CATSPERG: variants seen among roughly 807,000 people sequenced by gnomAD.
CATSPERG encodes catsper channel auxiliary subunit gamma.
In CATSPERG, 115 loss-of-function variants were observed where a neutral mutation model predicts 145.0. The observed-to-expected ratio is 0.79, with a 90% confidence interval of 0.68 to 0.93. The LOEUF (loss-of-function observed/expected upper bound fraction) is 0.93, where lower values mean the gene tolerates loss of function less well. Ranked by LOEUF, CATSPERG falls within the 40% of genes least tolerant of loss-of-function variation. The pLI is 0.00. For missense variants in CATSPERG, 1,296 were observed against 1,490.1 expected (o/e 0.87, Z 2.14); for synonymous variants, 588 against 589.0 (o/e 1.00, Z 0.02).
chr19:38,341,967 T>C (rs1188915882), intron 3 of CATSPERG, among the ~76,000 whole-genome samples: 1 of 151,512 alleles, frequency 6.6e-6, no homozygotes, highest in African/African-American at 2.4e-5. Flanking sequence ...TCCCAGCTAT[T>C]TGGGAGGCTG....
chr19:38,336,612 G>GGGGACCAGGGTC, intron 1 of CATSPERG: 2 of 241,112 alleles, frequency 8.3e-6, no homozygotes, highest in Admixed American at 5.2e-5. Flanking sequence ...CGAGCGAGGA[G>GGGGACCAGGGTC]AAAGCGGCGA....
chr19:38,367,440 G>A lies in CATSPERG; in HGVS notation c.2771-69G>A, dbSNP rs371919184. 109 of 1,571,410 alleles carry A rather than the reference G, an allele frequency of 6.9e-5. 2 individuals carry two copies. The highest frequency in any genetic ancestry group is 6.5e-4 in the South Asian group (57 of 87,462). ...TTCCTGCGGCATCTCACTTTCCCCC[G>A]TCTCGGTCCTCAGCTTCTCGGGCCA... On this transcript the variant is annotated intron_variant, in intron 23 of 28. Coordinates refer to ENST00000409235, the MANE Select transcript of CATSPERG (RefSeq NM_021185.5).
rs1173452820 is a variant in CATSPERG at position 38,363,489 on chromosome 19, C to CTT, written c.2475+676_2475+677dup. On this transcript the variant is annotated intron_variant, in intron 20 of 28. Transcript: ENST00000409235. ...TGTGCTTGGCCCCGTTAGCCTATTCCTTTTTTTTTTTTTTTTTTTTATTGA... is the reference window on the plus strand; with the variant it reads ...TGTGCTTGGCCCCGTTAGCCTATTCCTTTTTTTTTTTTTTTTTTTTTTATTGA... Among the ~76,000 whole-genome samples the CTT allele has an allele frequency of 1.2e-3, 149 of 128,234 alleles. 1 individual carries two copies. The highest frequency in any genetic ancestry group is 3.0e-3 in the African/African-American group (101 of 33,692). The allele number at this position is 128,234 out of a possible 152,430, so 84.1% of individuals were successfully genotyped here. A position where few individuals can be genotyped will look rare whatever the true frequency, so the allele number is the denominator to read the frequency against.
chr19:38,349,658 TTG>T (rs1283356259), intron 7 of CATSPERG: 1 of 153,596 alleles, frequency 6.5e-6, no homozygotes, highest in East Asian at 1.9e-4. Context: ...TTTTGTTTGT[TTG>T]TTTGTTTGTT....
chr19:38,353,990 CAAAAAAAAAAAAAA>C (rs965226814), intron 8 of CATSPERG, among the ~76,000 whole-genome samples: 3 of 30,590 alleles, frequency 9.8e-5, no homozygotes, highest in South Asian at 1.2e-3. Context: ...GACTCTGTCT[CAAAAAAAAAAAAAA>C]AAAAAAAAAA....
At chr19:38,364,245 C>G (rs1052793631) in intron 20 of CATSPERG, among the ~76,000 whole-genome samples, 1 of 151,788 alleles carries the variant, frequency 6.6e-6, no homozygotes, top group Non-Finnish European at 1.5e-5. Context: ...ATTTCTCAGA[C>G]GGGGCGGTTG....
chr19:38,361,873 G>T lies in CATSPERG; in HGVS notation c.2094+12G>T, dbSNP rs1370173249. On this transcript the variant is annotated intron_variant, in intron 17 of 28. Coordinates refer to ENST00000409235, the MANE Select transcript of CATSPERG (RefSeq NM_021185.5). ...CCGTGTACGACAAGGTGGGCGTCCG[G>T]CGGCGGGCGGGCAGGCCTGAGACGG... The T allele has an allele frequency of 6.3e-7, 1 of 1,594,702 alleles. No individual in the cohort carries two copies. The highest frequency in any genetic ancestry group is 8.5e-7 in the Non-Finnish European group (1 of 1,171,142).
chr19:38,341,307 G>A (rs1969934712), intron 3 of CATSPERG, among the ~76,000 whole-genome samples: 1 of 152,168 alleles, frequency 6.6e-6, no homozygotes, highest in Admixed American at 6.5e-5. Context: ...GTGAGACAAG[G>A]AGGAGGCTGC....
chr19:38,369,926 G>C, intron 26 of CATSPERG, 46 bp from the exon 27 acceptor site: 1 of 1,587,010 alleles, frequency 6.3e-7, no homozygotes, highest in East Asian at 2.2e-5. Context: ...AGTTGGCACA[G>C]ACTAGGCATG....
intron 26 of CATSPERG, chr19:38,369,584 A>G: frequency 6.7e-6 from 2 of 298,784 alleles, no homozygotes; most frequent in South Asian, 6.5e-5. Flanking sequence ...TTGGATAATG[A>G]ATAAAGAAGG....
chr19:38,360,717 C>T lies in CATSPERG; in HGVS notation c.1768-14C>T. ...GCTGACCCCAGCTCACCTGGCCCTG[C>T]CTTCCCCCTGCAGCTGGTGTACCTT... On this transcript the variant is annotated splice_polypyrimidine_tract_variant and intron_variant, in intron 15 of 28. Coordinates refer to ENST00000409235, the MANE Select transcript of CATSPERG (RefSeq NM_021185.5). 1 of 1,614,114 alleles carries T rather than the reference C, an allele frequency of 6.2e-7. No homozygotes were observed. The highest frequency in any genetic ancestry group is 8.5e-7 in the Non-Finnish European group (1 of 1,179,942).
chr19:38,367,226 C>T lies in CATSPERG; in HGVS notation c.2684C>T (p.Thr895Met), dbSNP rs752690172. Reference protein sequence around the residue: ...GKRLAFDITYTLEYSRLKNKH... With the variant: ...GKRLAFDITYMLEYSRLKNKH... ...CGCCTGGCCTTCGACATCACCTACA[C>T]GCTGGAATACAGCCGCCTGAAGAAC... The change falls in exon 23 of 29, where the codon ACG (threonine) becomes ATG (methionine). Residue 895 changes from threonine to methionine, a missense_variant. Physicochemically the swap from Thr to Met is moderately conservative, Grantham distance 81 (BLOSUM62 -1). Coordinates refer to ENST00000409235, the MANE Select transcript of CATSPERG (RefSeq NM_021185.5). The T allele has an allele frequency of 8.7e-6, 14 of 1,613,994 alleles. No individual in the cohort carries two copies. Among genetic ancestry groups the T allele is most frequent in the South Asian group, 5.5e-5 (5 of 91,086 alleles).
intron 20 of CATSPERG, among the ~76,000 whole-genome samples, chr19:38,364,137 G>C (rs1404006389): frequency 2.6e-5 from 4 of 151,856 alleles, no homozygotes; most frequent in Non-Finnish European, 5.9e-5. Flanking sequence ...CTGGCCTGGC[G>C]GGGGCTGACC....
chr19:38,367,140 T>A lies in CATSPERG; in HGVS notation c.2614-16T>A, dbSNP rs1208518542. The A allele has an allele frequency of 1.2e-6, 2 of 1,607,748 alleles. No homozygotes were observed. Among genetic ancestry groups the A allele is most frequent in the Admixed American group, 1.7e-5 (1 of 58,888 alleles). ...GACCCTGGCCACCCCTGTGAGCCTT[T>A]TTTCCTCCCACCGAGGGCAACCTGA... On this transcript the variant is annotated splice_polypyrimidine_tract_variant and intron_variant, in intron 22 of 28. Coordinates refer to ENST00000409235, the MANE Select transcript of CATSPERG (RefSeq NM_021185.5).
chr19:38,360,587 T>C lies in CATSPERG; in HGVS notation c.1707T>C (p.Ser569=). The C allele has an allele frequency of 6.2e-7, 1 of 1,614,186 alleles. No individual in the cohort carries two copies. Among genetic ancestry groups the C allele is most frequent in the Non-Finnish European group, 8.5e-7 (1 of 1,180,020 alleles). Residue 569 remains serine, a synonymous_variant, in exon 15 of 29, where the codon TCT becomes TCC. Coordinates refer to ENST00000409235, the MANE Select transcript of CATSPERG (RefSeq NM_021185.5). ...HISLKLMQQS[S]LYASNETMLT... ...GCTTAAAGCTGATGCAACAGTCCTC[T>C]CTCTACGCATCCAATGAGACCATGC...
At chr19:38,367,118 C>T (rs535188550) in intron 22 of CATSPERG, 38 bp from the exon 23 acceptor site, 2 of 1,584,450 alleles carry the variant, frequency 1.3e-6, no homozygotes, top group Non-Finnish European at 1.7e-6. Context: ...CTGAGGAGAC[C>T]CTGGCCACCC....
intron 20 of CATSPERG, 39 bp downstream of exon 20, chr19:38,362,871 GT>G (rs553363428): frequency 0.18 from 78,851 of 439,688 alleles, 1,270 homozygotes; most frequent in East Asian, 0.32. Context: ...GGGAGGTTTT[GT>G]TTTTTTTTTT....
intron 8 of CATSPERG, among the ~76,000 whole-genome samples, chr19:38,353,321 G>A (rs1970180685): frequency 1.3e-5 from 2 of 151,672 alleles, no homozygotes; most frequent in African/African-American, 4.8e-5. Context: ...CCAACAGAGC[G>A]AGACTCAGTT....
chr19:38,361,612 T>C, intron 16 of CATSPERG, 36 bp from the exon 17 acceptor site: 1 of 1,562,376 alleles, frequency 6.4e-7, no homozygotes. Flanking sequence ...CGGGGTGCCT[T>C]AGAGCCAGCA....
Sources: allele counts gnomAD v4.1 joint callset (sites outside exome capture counted in the v4.1 genomes callset), GRCh38; gene constraint gnomAD v4.1.1; transcripts MANE v1.5; gene names NCBI Gene and HGNC (gene_info 2026-07-23, HGNC 2026-07-21).